The following AFAP1L2 variants were observed in gnomAD, a reference collection of about 807,000 sequenced individuals.
AFAP1L2 encodes the protein actin filament associated protein 1 like 2, also known as actin filament-associated protein 1-like 2.
AFAP1L2 carries 46 observed loss-of-function variants against 99.3 expected under a neutral mutation model. The observed-to-expected ratio is 0.46, with a 90% CI of 0.37 to 0.59. The LOEUF (loss-of-function observed/expected upper bound fraction) is 0.59. Among genes scored for constraint, AFAP1L2 ranks in the 20% least tolerant of loss-of-function variants. The pLI is 0.00. For synonymous variants in AFAP1L2, 397 were observed against 419.1 expected, an observed-to-expected ratio of 0.95 and a Z score of 0.64; for missense variants, 959 against 1,034.9, an observed-to-expected ratio of 0.93 and a Z score of 1.01.
At chr10:114,392,955 A>G (rs919123771) in intron 1 of AFAP1L2, among the ~76,000 whole-genome samples, 1 of 152,150 alleles carries the variant, frequency 6.6e-6, no homozygotes, top group Non-Finnish European at 1.5e-5. Flanking sequence ...CATTAGGTAA[A>G]TAGCTTTAAG....
chr10:114,403,185 A>AACTCCTTTAACCCTGTCCC (rs1367527086), intron 1 of AFAP1L2, among the ~76,000 whole-genome samples: 1 of 152,246 alleles, frequency 6.6e-6, no homozygotes, highest in Non-Finnish European at 1.5e-5. Context: ...AAAGGTGGCC[A>AACTCCTTTAACCCTGTCCC]ACTCCTTTAA....
chr10:114,291,254 G>C, downstream of AFAP1L2: 4 of 1,549,610 alleles, frequency 2.6e-6, no homozygotes, highest in South Asian at 4.8e-5. Flanking sequence ...TGGCTCCCGT[G>C]CAGGAGGGCA....
intron 7 of AFAP1L2, among the ~76,000 whole-genome samples, chr10:114,311,753 C>G (rs368342264): frequency 5.9e-5 from 9 of 152,218 alleles, no homozygotes; most frequent in African/African-American, 2.2e-4. Flanking sequence ...GGGAAAAGCC[C>G]TGCCTTGTGC....
In AFAP1L2 at chr10:114,313,903, G is replaced by A. The variant is rs1235374080; in HGVS notation, c.760C>T (p.Gln254Ter). ...CACTGCTCAGCCTGGTCCTTGCTCT[G>A]CAGGCCCAGCACAATCACATCGGCA... The part of the protein sequence containing the change: ...MNADVIVLGL[Q>*]SKDQAEQWLR... Residue 254 changes from glutamine to a stop codon, truncating the protein, a stop_gained, in exon 7 of 19, where the codon CAG becomes TAG. Transcript: ENST00000304129. LOFTEE classifies it high-confidence loss of function. The A allele has an allele frequency of 6.2e-7, 1 of 1,613,294 alleles. No homozygotes were observed. Among genetic ancestry groups the A allele is most frequent in the East Asian group, 2.2e-5 (1 of 44,844 alleles).
At chr10:114,289,753 G>C in the AFAP1L2 span, 1 of 524,850 alleles carries the variant, frequency 1.9e-6, no homozygotes. Flanking sequence ...CCTTTAAACA[G>C]AACACACTTT....
intron 2 of AFAP1L2, among the ~76,000 whole-genome samples, chr10:114,335,435 A>T (rs1205876681): frequency 6.6e-6 from 1 of 152,060 alleles, no homozygotes; most frequent in Non-Finnish European, 1.5e-5. Context: ...ACATGGTGAA[A>T]CCCCATCTCT....
At chr10:114,381,693 T>C (rs1366744177) in intron 1 of AFAP1L2, among the ~76,000 whole-genome samples, 1 of 152,076 alleles carries the variant, frequency 6.6e-6, no homozygotes, top group African/African-American at 2.4e-5. Flanking sequence ...AAAATAATTT[T>C]TAAAAATCCT....
chr10:114,385,566 C>T (rs2056393902), intron 1 of AFAP1L2, among the ~76,000 whole-genome samples: 1 of 152,114 alleles, frequency 6.6e-6, no homozygotes, highest in South Asian at 2.1e-4. Flanking sequence ...GCTGGGGTTA[C>T]CCCTGGCCTC....
At chr10:114,307,754 T>C (rs1250388475) in intron 10 of AFAP1L2, 51 bp downstream of exon 10, 1 of 1,523,402 alleles carries the variant, frequency 6.6e-7, no homozygotes, top group Non-Finnish European at 9.1e-7. Context: ...TTCCTGCAGG[T>C]TCCAGCCCAG....
Position 114,316,188 on chromosome 10 carries a change from G to T in AFAP1L2, c.407-423C>A, listed in dbSNP as rs538218825. Among the ~76,000 whole-genome samples the T allele has an allele frequency of 3.9e-5, 6 of 152,316 alleles. No individual in the cohort carries two copies. The South Asian group carries it at 8.3e-4, about 21-fold the overall frequency. On this transcript the variant is annotated intron_variant, in intron 5 of 18. Coordinates refer to ENST00000304129, the MANE Select transcript of AFAP1L2 (RefSeq NM_001001936.3). ...GTGGGATGTTGCCAGGTTCTCCCAGGCCTGGCCTCTGGCATTCCAAGGGCT... is the reference window on the plus strand; with the variant it reads ...GTGGGATGTTGCCAGGTTCTCCCAGTCCTGGCCTCTGGCATTCCAAGGGCT...
At chr10:114,288,678 C>T in the AFAP1L2 span, among the ~76,000 whole-genome samples, 2 of 152,340 alleles carry the variant, frequency 1.3e-5, no homozygotes, top group South Asian at 4.1e-4. Flanking sequence ...TTGATCACGT[C>T]CGTCAGATAG....
At chr10:114,395,436 A>G (rs1271035669) in intron 1 of AFAP1L2, among the ~76,000 whole-genome samples, 9 of 152,202 alleles carry the variant, frequency 5.9e-5, no homozygotes, top group Non-Finnish European at 4.4e-5. Context: ...TCCTTCCAAA[A>G]GGACCACATT....
chr10:114,377,247 A>G lies in AFAP1L2; in HGVS notation c.16+27193T>C, dbSNP rs1481849499. Among the ~76,000 whole-genome samples the G allele has an allele frequency of 2.6e-5, 4 of 152,260 alleles. No individual in the cohort carries two copies. Among genetic ancestry groups the G allele is most frequent in the Admixed American group, 2.6e-4 (4 of 15,290 alleles). On this transcript the variant is annotated intron_variant, in intron 1 of 18. Transcript: ENST00000304129. This position sits in a 1 kb window ranked among gnomAD's most constrained non-coding sequence, Gnocchi z 4.0. ...ACAGTTATCACACAAGTGTAGCAGAAGGAATGTTTTACCAGAGTATCTGGA... is the reference window on the plus strand; with the variant it reads ...ACAGTTATCACACAAGTGTAGCAGAGGGAATGTTTTACCAGAGTATCTGGA...
At chr10:114,345,609 C>T (rs2136055055) in intron 1 of AFAP1L2, among the ~76,000 whole-genome samples, 1 of 152,298 alleles carries the variant, frequency 6.6e-6, no homozygotes, top group African/African-American at 2.4e-5. Context: ...AATTACAACC[C>T]AATTTGGCCA....
At chr10:114,383,527 A>G (rs2056018868) in intron 1 of AFAP1L2, among the ~76,000 whole-genome samples, 3 of 152,220 alleles carry the variant, frequency 2.0e-5, no homozygotes. Flanking sequence ...TATGTTACAA[A>G]TTTCTGCCAC....
In AFAP1L2 at chr10:114,327,169, ATATATTTTTT is replaced by A. The variant is rs1384079610; in HGVS notation, c.316-3918_316-3909del. 1.4e-3 allele frequency among the ~76,000 whole-genome samples: 109 copies of A among 75,546 alleles called. 22 individuals carry two copies. The highest frequency in any genetic ancestry group is 7.3e-3 in the East Asian group (7 of 960). The allele number at this position is 75,546 out of a possible 152,430, so 49.6% of individuals were successfully genotyped here. ...TATTTATATATATATATATATATAT[ATATATTTTTT>A]TTTTAGGCAGAGTCTCACTGTGTTG... On this transcript the variant is annotated intron_variant, in intron 4 of 18. Coordinates refer to ENST00000304129, the MANE Select transcript of AFAP1L2 (RefSeq NM_001001936.3).
chr10:114,324,613 G>C (rs138504570), intron 4 of AFAP1L2, among the ~76,000 whole-genome samples: 221 of 152,366 alleles, frequency 1.5e-3, no homozygotes, highest in Middle Eastern at 0.01. Flanking sequence ...AGAAGTGGCA[G>C]AGCTCGAAAT....
Position 114,302,460 on chromosome 10 carries a change from G to A in AFAP1L2, c.1309C>T (p.His437Tyr). The A allele has an allele frequency of 6.2e-7, 1 of 1,614,126 alleles. No homozygotes were observed. Among genetic ancestry groups the A allele is most frequent in the Non-Finnish European group, 8.5e-7 (1 of 1,180,028 alleles). The change falls in exon 12 of 19, where the codon CAC becomes TAC. Residue 437 changes from histidine to tyrosine, a missense_variant. Coordinates refer to ENST00000304129, the MANE Select transcript of AFAP1L2 (RefSeq NM_001001936.3). ...LEAKSSEEMGHWLGLLLSESG... is the reference protein window; with the variant it reads ...LEAKSSEEMGYWLGLLLSESG... ...TCAGAGAGCAGGAGACCCAGCCAGT[G>A]GCCCATTTCCTCGGAAGACTTGGCC...
chr10:114,396,503 C>T (rs11196724), intron 1 of AFAP1L2, among the ~76,000 whole-genome samples: 3 of 152,280 alleles, frequency 2.0e-5, no homozygotes, highest in East Asian at 3.9e-4. Context: ...ACATCAAATG[C>T]GACTGGGTGT....
Sources: gnomAD v4.1 joint callset for allele counts (sites outside exome capture counted in the v4.1 genomes callset) on GRCh38, gnomAD v4.1.1 for gene constraint, Gnocchi (gnomAD v3.1) non-coding constraint, MANE v1.5 for transcripts, NCBI Gene and HGNC (gene_info 2026-07-23, HGNC 2026-07-21) for gene names.